The following VIPR2 variants were observed in gnomAD, a reference collection of about 807,000 sequenced individuals.
VIPR2 encodes the protein vasoactive intestinal peptide receptor 2, also known as vasoactive intestinal polypeptide receptor 2.
Under a neutral mutation model 58.0 loss-of-function variants are expected in VIPR2, and 48 were observed. The observed-to-expected ratio is 0.83, with a 90% CI of 0.66 to 1.05. VIPR2 has a LOEUF of 1.05. Among genes scored for constraint, VIPR2 ranks in the 50% least tolerant of loss-of-function variants. VIPR2 has a pLI of 0.00. For missense variants in VIPR2, 534 were observed against 558.0 expected, an observed-to-expected ratio of 0.96 and a Z score of 0.43; for synonymous variants, 243 against 235.2, an observed-to-expected ratio of 1.03 and a Z score of -0.30.
intron 4 of VIPR2, among the ~76,000 whole-genome samples, chr7:159,094,252 G>A (rs1857689314): frequency 6.6e-6 from 1 of 152,204 alleles, no homozygotes; most frequent in Non-Finnish European, 1.5e-5. Context: ...AGGCCACGGG[G>A]TCTCTGATGA....
chr7:159,032,225 C>A (rs572697080), intron 10 of VIPR2, among the ~76,000 whole-genome samples, 158 bp from the exon 11 acceptor site: 6 of 152,346 alleles, frequency 3.9e-5, no homozygotes, highest in African/African-American at 1.4e-4. Context: ...ACCACTGTTT[C>A]TTTACGTTTA....
At chr7:159,055,654 A>G (rs992831486) in intron 5 of VIPR2, among the ~76,000 whole-genome samples, 1 of 151,722 alleles carries the variant, frequency 6.6e-6, no homozygotes, top group African/African-American at 2.4e-5. Flanking sequence ...GGCTGCATTC[A>G]TCTCTCCAAA....
At chr7:159,091,730 TA>T (rs1857518750) in intron 4 of VIPR2, among the ~76,000 whole-genome samples, 1 of 152,128 alleles carries the variant, frequency 6.6e-6, no homozygotes, top group African/African-American at 2.4e-5. Flanking sequence ...GAGGCTGGAA[TA>T]CTCAGAGCTG....
At chr7:159,074,189 A>T (rs960965849) in intron 4 of VIPR2, among the ~76,000 whole-genome samples, 3 of 152,234 alleles carry the variant, frequency 2.0e-5, no homozygotes, top group African/African-American at 4.8e-5. Context: ...AAATTTAATC[A>T]GGCCTCATTC....
At chr7:159,144,646 C>CGGGAGGAGCGCTCTTCTCGGAAG in intron 1 of VIPR2, 75 bp downstream of exon 1, 1 of 1,372,980 alleles carries the variant, frequency 7.3e-7, no homozygotes. Context: ...CGAAGACCGG[C>CGGGAGGAGCGCTCTTCTCGGAAG]GGGAGGAGCG....
rs78469514 is a variant in VIPR2 at position 159,028,510 on chromosome 7, G to A, written c.*2106C>T. On this transcript the variant is annotated 3_prime_UTR_variant, in exon 13 of 13. Coordinates refer to ENST00000262178, the MANE Select transcript of VIPR2 (RefSeq NM_003382.5). ...GTCCACTCACGCCCACTTCCTCAGC[G>A]TCCCCTCTGGGTCACAGCTCAGTGT... The A allele has an allele frequency of 2.0e-3, 300 of 152,526 alleles. 7 individuals carry two copies. In the East Asian group the frequency reaches 0.045, roughly 23 times the overall value. 9.4% of individuals were successfully genotyped at this position (152,526 alleles called of 1,614,324 possible). A position where few individuals can be genotyped will look rare whatever the true frequency, so the allele number is the denominator to read the frequency against.
chr7:159,096,873 C>A lies in VIPR2; in HGVS notation c.357+6884G>T, dbSNP rs537839973. The stretch of plus-strand genomic sequence containing the variant: ...CGCCGTACTGTGTCCATGGCTGAGA[C>A]CACCCTCTCTGTGGCCGCCTTGCTG... On this transcript the variant is annotated intron_variant, in intron 4 of 12. Coordinates refer to ENST00000262178, the MANE Select transcript of VIPR2 (RefSeq NM_003382.5). This position sits in a 1 kb window ranked among gnomAD's most constrained non-coding sequence, Gnocchi z 5.5. 39 of 1,547,502 alleles carry A rather than the reference C, an allele frequency of 2.5e-5. No homozygotes were observed. The African/African-American group carries it at 4.9e-4, about 20-fold the overall frequency.
At chr7:159,118,954 C>T (rs578220491) in intron 2 of VIPR2, among the ~76,000 whole-genome samples, 7 of 152,218 alleles carry the variant, frequency 4.6e-5, no homozygotes, top group African/African-American at 1.2e-4. Context: ...GAGGAAAATT[C>T]GCTATAATTT....
intron 2 of VIPR2, among the ~76,000 whole-genome samples, chr7:159,135,010 T>A: frequency 8.3e-6 from 1 of 120,584 alleles, no homozygotes; most frequent in Admixed American, 7.7e-5. Flanking sequence ...AAAAGTTTTT[T>A]TTTTTTTTTT....
chr7:159,073,487 G>A (rs1371027807), intron 4 of VIPR2, among the ~76,000 whole-genome samples: 1 of 152,050 alleles, frequency 6.6e-6, no homozygotes, highest in African/African-American at 2.4e-5. Flanking sequence ...GCCCCATCTC[G>A]GCTCACTGCA....
chr7:159,110,522 A>G (rs185028152), intron 2 of VIPR2, among the ~76,000 whole-genome samples: 2 of 152,330 alleles, frequency 1.3e-5, no homozygotes, highest in East Asian at 3.9e-4. Flanking sequence ...GAAAAGCACT[A>G]AGGTTCAAAT....
chr7:159,066,695 GTGA>G (rs1253025865), intron 4 of VIPR2, among the ~76,000 whole-genome samples: 2 of 152,260 alleles, frequency 1.3e-5, no homozygotes, highest in African/African-American at 2.4e-5. Flanking sequence ...CTAGAGCTCA[GTGA>G]TGATATTTCA....
At chr7:159,140,327 G>A (rs1419898486) in intron 2 of VIPR2, among the ~76,000 whole-genome samples, 3 of 152,122 alleles carry the variant, frequency 2.0e-5, no homozygotes, top group African/African-American at 4.8e-5. Flanking sequence ...CTAATCAGAC[G>A]CCTGCCTCAG....
At position 159,109,884 on chromosome 7, in the gene VIPR2, G is replaced by A. The variant is rs750654613; in HGVS notation, c.187C>T (p.Arg63Trp). The stretch of plus-strand genomic sequence containing the variant: ...ACGGTCTCTCCCACATTGGCAGGCC[G>A]CCAGCACGTGATGTTGTCCCAGACG... ...SGVWDNITCW[R>W]PANVGETVTV... is the part of the protein sequence containing the mutation. Residue 63 changes from arginine (R) to tryptophan (W), a missense_variant, in exon 3 of 13, where the codon CGG becomes TGG. Arg to Trp is a moderately radical substitution (Grantham distance 101). Coordinates refer to ENST00000262178, the MANE Select transcript of VIPR2 (RefSeq NM_003382.5). 10 of 1,614,002 alleles carry A rather than the reference G, an allele frequency of 6.2e-6. No homozygotes were observed. The East Asian group carries it at 6.7e-5, about 11-fold the overall frequency.
chr7:159,120,183 C>G (rs1332051791), intron 2 of VIPR2, among the ~76,000 whole-genome samples: 1 of 152,214 alleles, frequency 6.6e-6, no homozygotes, highest in Admixed American at 6.5e-5. Flanking sequence ...CAGACTCATA[C>G]TAAACATCTC....
At chr7:159,143,426 C>T (rs1020806896) in intron 1 of VIPR2, among the ~76,000 whole-genome samples, 1 of 150,908 alleles carries the variant, frequency 6.6e-6, no homozygotes, top group African/African-American at 2.4e-5. Flanking sequence ...TAAAGAGAAT[C>T]ATACTGTTGG....
At chr7:159,036,473 G>A (rs1462411219) in intron 7 of VIPR2, among the ~76,000 whole-genome samples, 1 of 152,172 alleles carries the variant, frequency 6.6e-6, no homozygotes, top group African/African-American at 2.4e-5. Flanking sequence ...AGTGGGTAGA[G>A]GCGGAGGAGG....
At chr7:159,120,319 C>T (rs1169205736) in intron 2 of VIPR2, among the ~76,000 whole-genome samples, 2 of 152,140 alleles carry the variant, frequency 1.3e-5, no homozygotes, top group Non-Finnish European at 2.9e-5. Flanking sequence ...AGAGGGTCGT[C>T]CAGGAGGCAG....
Position 159,031,283 on chromosome 7 carries a change from T to G in VIPR2, c.1144-494A>C, listed in dbSNP as rs78940854. Among the ~76,000 whole-genome samples the G allele has an allele frequency of 0.025, 3,718 of 151,196 alleles. 76 individuals carry two copies. Among genetic ancestry groups the G allele is most frequent in the Admixed American group, 0.054 (815 of 15,196 alleles). On this transcript the variant is annotated intron_variant, in intron 12 of 12. Coordinates refer to ENST00000262178, the MANE Select transcript of VIPR2 (RefSeq NM_003382.5). This position sits in a 1 kb window ranked among gnomAD's most constrained non-coding sequence, Gnocchi z 4.0. ...AGAAGCCGTGCTGGTGAAAGCTGCA[T>G]GTCAAGCAAAGAAAGCGCCAGCAAC...
Sources: allele counts gnomAD v4.1 joint callset (sites outside exome capture counted in the v4.1 genomes callset), GRCh38; gene constraint gnomAD v4.1.1; non-coding constraint Gnocchi (gnomAD v3.1); transcripts MANE v1.5; gene names NCBI Gene and HGNC (gene_info 2026-07-23, HGNC 2026-07-21).